The following FAN1 variants were observed in gnomAD, a reference collection of about 807,000 sequenced individuals.
FAN1 encodes fanconi-associated nuclease 1.
A neutral mutation model predicts 104.9 loss-of-function variants in FAN1; 91 were observed. The observed-to-expected ratio is 0.87, with a 90% CI of 0.73 to 1.03. The LOEUF (loss-of-function observed/expected upper bound fraction) is 1.03, where lower values mean the gene tolerates loss of function less well. Ranked by LOEUF, FAN1 falls within the 50% of genes least tolerant of loss-of-function variation. FAN1 has a pLI of 0.00. For synonymous variants in FAN1, 478 were observed against 457.6 expected, an observed-to-expected ratio of 1.04 and a Z score of -0.57; for missense variants, 1,263 against 1,239.9, an observed-to-expected ratio of 1.02 and a Z score of -0.28.
chr15:30,920,045 T>C (rs1247700350), intron 6 of FAN1, among the ~76,000 whole-genome samples: 1 of 152,236 alleles, frequency 6.6e-6, no homozygotes, highest in East Asian at 1.9e-4. Flanking sequence ...TTGCAGGCCA[T>C]ATGGTTTCTG....
chr15:30,909,531 G>T (rs574823120), intron 3 of FAN1, among the ~76,000 whole-genome samples: 1 of 152,328 alleles, frequency 6.6e-6, no homozygotes, highest in East Asian at 1.9e-4. Context: ...AGGCATGCCA[G>T]GTGACTGCTG....
At chr15:30,912,834 A>G (rs1404834746) in intron 4 of FAN1, among the ~76,000 whole-genome samples, 1 of 152,228 alleles carries the variant, frequency 6.6e-6, no homozygotes, top group African/African-American at 2.4e-5. Flanking sequence ...GCCCCTGACA[A>G]CAAAGAATTA....
At chr15:30,920,176 A>G (rs1028050442) in intron 6 of FAN1, among the ~76,000 whole-genome samples, 1 of 152,372 alleles carries the variant, frequency 6.6e-6, no homozygotes, top group South Asian at 2.1e-4. Context: ...TTTCAGTTTC[A>G]TACAATTTTC....
chr15:30,936,777 AC>A (rs1441025260), intron 13 of FAN1, among the ~76,000 whole-genome samples: 1 of 152,228 alleles, frequency 6.6e-6, no homozygotes, highest in East Asian at 1.9e-4. Flanking sequence ...CATGTAGTTC[AC>A]TGCAAACCGT....
At chr15:30,919,378 CAAAAAA>C (rs34395788) in intron 6 of FAN1, among the ~76,000 whole-genome samples, 1 of 75,120 alleles carries the variant, frequency 1.3e-5, no homozygotes, top group African/African-American at 5.6e-5. Flanking sequence ...AACTCCGTCT[CAAAAAA>C]AAAAAAAAAA....
chr15:30,919,340 A>C (rs1465040942), intron 6 of FAN1, among the ~76,000 whole-genome samples: 5 of 140,752 alleles, frequency 3.6e-5, no homozygotes, highest in African/African-American at 2.7e-5. Context: ...AGATCACGCC[A>C]TTGCACTCCA....
In FAN1 at chr15:30,941,818, G is replaced by C; in HGVS notation, c.*256G>C. ...TGATCTGGGCCTCGGGAACCCAGCGGAAGTAGCACAGTTTCCACAGTTTTA... is the reference window on the plus strand; with the variant it reads ...TGATCTGGGCCTCGGGAACCCAGCGCAAGTAGCACAGTTTCCACAGTTTTA... On this transcript the variant is annotated 3_prime_UTR_variant, in exon 15 of 15. Transcript: ENST00000362065. 3.1e-6 allele frequency: 5 copies of C among 1,614,038 alleles called. No homozygotes were observed. The highest frequency in any genetic ancestry group is 4.2e-6 in the Non-Finnish European group (5 of 1,179,902).
At chr15:30,914,800 TCATA>T (rs1189885439) in intron 5 of FAN1, among the ~76,000 whole-genome samples, 3 of 152,354 alleles carry the variant, frequency 2.0e-5, no homozygotes, top group African/African-American at 7.2e-5. Flanking sequence ...ATATTGTATA[TCATA>T]CATATGATAA....
At chr15:30,933,182 T>C (rs1241225067) in intron 13 of FAN1, among the ~76,000 whole-genome samples, 1 of 152,186 alleles carries the variant, frequency 6.6e-6, no homozygotes, top group East Asian at 1.9e-4. Context: ...TTGGTTTCAT[T>C]TGTTTTTTTA....
intron 1 of FAN1, among the ~76,000 whole-genome samples, 159 bp from the exon 2 acceptor site, chr15:30,904,353 A>AGCTTG (rs1304885138): frequency 2.0e-5 from 3 of 152,122 alleles, no homozygotes; most frequent in Admixed American, 6.5e-5. Context: ...GGACACTAAG[A>AGCTTG]TCGCGTACAG....
intron 14 of FAN1, chr15:30,941,296 CTT>C (rs769585026): frequency 5.3e-6 from 8 of 1,515,824 alleles, no homozygotes; most frequent in Middle Eastern, 1.7e-4. Flanking sequence ...TTACATCTCT[CTT>C]AAAATAAGTG....
intron 4 of FAN1, among the ~76,000 whole-genome samples, chr15:30,913,622 C>G (rs905549973): frequency 6.6e-6 from 1 of 152,118 alleles, no homozygotes; most frequent in Non-Finnish European, 1.5e-5. Flanking sequence ...ACTGTGCAGC[C>G]GAGGAAGGAA....
intron 3 of FAN1, 56 bp from the exon 4 acceptor site, chr15:30,910,558 A>G (rs999282073): frequency 1.8e-6 from 2 of 1,127,952 alleles, no homozygotes; most frequent in South Asian, 3.3e-5. Context: ...TAACTAAGGT[A>G]AATAAAGCTA....
rs1267990946 is a variant in FAN1 at position 30,928,532 on chromosome 15, G to C, written c.2489-21G>C. 3 of 1,612,586 alleles carry C rather than the reference G, an allele frequency of 1.9e-6. No homozygotes were observed. The African/African-American group carries it at 4.0e-5, about 22-fold the overall frequency. On this transcript the variant is annotated intron_variant, in intron 10 of 14. Transcript: ENST00000362065. The stretch of plus-strand genomic sequence containing the variant: ...TGTGTGTGTGTGTGTGTGTGTGTGT[G>C]TGTGTGTGACCTTGTCTTAGGGATT...
intron 7 of FAN1, among the ~76,000 whole-genome samples, chr15:30,922,024 G>A (rs2293315): frequency 5.3e-5 from 8 of 152,320 alleles, no homozygotes; most frequent in East Asian, 3.9e-4. Flanking sequence ...GGCAGGGACC[G>A]GGTGAAGAGT....
rs148785830 is a variant in FAN1, at chr15:30,942,034, G to C, written c.*472G>C. 2.2e-3 allele frequency: 3,494 copies of C among 1,613,940 alleles called. 4 individuals carry two copies. The highest frequency in any genetic ancestry group is 2.7e-3 in the Non-Finnish European group (3,201 of 1,179,858). Reference sequence around the variant, plus strand: ...GGTCACTGATGATTCCATTCTTTAAGGCAGACGGCATTCCTCTTAGTGTGG... The same window carrying C: ...GGTCACTGATGATTCCATTCTTTAACGCAGACGGCATTCCTCTTAGTGTGG... On this transcript the variant is annotated 3_prime_UTR_variant, in exon 15 of 15. Transcript: ENST00000362065.
intron 5 of FAN1, among the ~76,000 whole-genome samples, chr15:30,914,440 C>G (rs998179011): frequency 2.0e-5 from 3 of 152,222 alleles, no homozygotes. Context: ...TCACCGCTCA[C>G]TGTAGCCTCA....
chr15:30,904,060 G>A (rs1187158649), intron 1 of FAN1, 49 bp downstream of exon 1: 1 of 152,318 alleles, frequency 6.6e-6, no homozygotes, highest in Non-Finnish European at 1.5e-5. Flanking sequence ...CCGCCGTGCT[G>A]GCCGGGGCCT....
intron 12 of FAN1, 38 bp downstream of exon 12, chr15:30,929,435 G>C: frequency 3.3e-6 from 5 of 1,531,866 alleles, no homozygotes; most frequent in Non-Finnish European, 4.4e-6. Context: ...TGCTCAGAAA[G>C]TTAACACCGC....
Sources: allele counts gnomAD v4.1 joint callset (sites outside exome capture counted in the v4.1 genomes callset), GRCh38; gene constraint gnomAD v4.1.1; transcripts MANE v1.5; gene names NCBI Gene and HGNC (gene_info 2026-07-23, HGNC 2026-07-21).